Variants in PCDH11X observed in about 807,000 individuals in gnomAD.
PCDH11X encodes protocadherin-11 X-linked.
In PCDH11X, 18 loss-of-function variants were observed where a neutral mutation model predicts 53.3. The ratio of observed to expected loss-of-function variants is 0.34; its 90% CI spans 0.23 to 0.50. PCDH11X has a LOEUF of 0.50. PCDH11X is among the 20% of genes least tolerant of loss of function. The probability of loss-of-function intolerance (pLI) is 0.98; values close to 1 mark genes in which losing one functional copy is unlikely to be tolerated. For missense variants in PCDH11X, 570 were observed against 1,032.4 expected (o/e 0.55, Z 6.14); for synonymous variants, 279 against 393.3 (o/e 0.71, Z 3.44).
At chrX:92,422,939 C>T (rs1270933067) in intron 9 of PCDH11X, among the ~76,000 whole-genome samples, 1 of 109,083 alleles carries the variant, frequency 9.2e-6, no homozygotes, top group Non-Finnish European at 1.9e-5. Context: ...AACTCTGCCT[C>T]CCAGGTTCAC....
intron 6 of PCDH11X, among the ~76,000 whole-genome samples, chrX:91,933,163 T>G (rs1452144142): frequency 9.1e-6 from 1 of 109,824 alleles, no homozygotes; most frequent in Non-Finnish European, 1.9e-5. Flanking sequence ...CTCTAACTAG[T>G]AAAAGCAGAC....
At chrX:92,526,417 G>A (rs1233949676) in intron 10 of PCDH11X, among the ~76,000 whole-genome samples, 3 of 105,590 alleles carry the variant, frequency 2.8e-5, no homozygotes, top group Admixed American at 2.1e-4. Flanking sequence ...TATATAAGGA[G>A]CTCAAATAAC....
chrX:92,087,797 G>A (rs1039219285), intron 6 of PCDH11X, among the ~76,000 whole-genome samples: 3 of 109,330 alleles, frequency 2.7e-5, no homozygotes, highest in African/African-American at 3.3e-5. Context: ...ATATCATGTC[G>A]GATATCATTT....
chrX:92,604,184 G>T (rs908227394), intron 10 of PCDH11X, among the ~76,000 whole-genome samples: 1 of 109,081 alleles, frequency 9.2e-6, no homozygotes, highest in African/African-American at 3.3e-5. Context: ...AAATAGGAAG[G>T]TTAATAAAAT....
chrX:92,135,448 A>G (rs1386848441), intron 6 of PCDH11X, among the ~76,000 whole-genome samples: 3 of 110,439 alleles, frequency 2.7e-5, no homozygotes, highest in Admixed American at 9.8e-5. Flanking sequence ...GGCCATGATG[A>G]TTTTGTACAG....
intron 10 of PCDH11X, among the ~76,000 whole-genome samples, chrX:92,511,195 G>A (rs1472274362): frequency 8.9e-6 from 1 of 111,807 alleles, no homozygotes; most frequent in Non-Finnish European, 1.9e-5. Flanking sequence ...TGCGATATAG[G>A]TCTGAGATGC....
chrX:91,890,941 A>G (rs1246878306), intron 6 of PCDH11X, among the ~76,000 whole-genome samples: 9 of 106,782 alleles, frequency 8.4e-5, no homozygotes, highest in African/African-American at 2.4e-4. Flanking sequence ...TATGATTATG[A>G]GGATACATCC....
intron 1 of PCDH11X, among the ~76,000 whole-genome samples, chrX:91,792,521 A>G (rs759696232): frequency 2.0e-4 from 22 of 111,107 alleles, no homozygotes; most frequent in African/African-American, 6.2e-4. Context: ...AAGGTTGAGC[A>G]ATATTAGCCA....
intron 4 of PCDH11X, among the ~76,000 whole-genome samples, chrX:91,832,189 C>T (rs1446054718): frequency 9.7e-6 from 1 of 102,872 alleles, no homozygotes; most frequent in African/African-American, 3.5e-5. Flanking sequence ...AAGACACACG[C>T]ACATGTATGT....
chrX:92,412,544 T>A (rs183705596), intron 9 of PCDH11X, among the ~76,000 whole-genome samples: 1 of 89,904 alleles, frequency 1.1e-5, no homozygotes, highest in African/African-American at 4.1e-5. Flanking sequence ...TATATATATA[T>A]ATATATATAT....
chrX:92,273,642 G>A lies in PCDH11X; in HGVS notation c.3144+10499G>A, dbSNP rs944719148. ...GGCTGCTTCAAGCGGGATTAGGGGCGGCGTGGGAACCTAGAGTGGGAGAGA... is the reference window on the plus strand; with the variant it reads ...GGCTGCTTCAAGCGGGATTAGGGGCAGCGTGGGAACCTAGAGTGGGAGAGA... On this transcript the variant is annotated intron_variant, in intron 8 of 10. Coordinates refer to ENST00000682573, the MANE Select transcript of PCDH11X (RefSeq NM_032968.5). Among the ~76,000 whole-genome samples, 14 of 110,538 alleles carry A rather than the reference G, an allele frequency of 1.3e-4. 1 individual carries two copies. The highest frequency in any genetic ancestry group is 2.3e-4 in the African/African-American group (7 of 30,334).
At chrX:92,091,897 AAAGG>A (rs1470530214) in intron 6 of PCDH11X, among the ~76,000 whole-genome samples, 1 of 111,573 alleles carries the variant, frequency 9.0e-6, no homozygotes, top group Non-Finnish European at 1.9e-5. Flanking sequence ...CTGGTTCTGG[AAAGG>A]AAGGAAGGAA....
intron 6 of PCDH11X, among the ~76,000 whole-genome samples, chrX:91,949,604 CTG>C (rs1164266496): frequency 1.8e-5 from 2 of 110,206 alleles, no homozygotes; most frequent in Non-Finnish European, 3.8e-5. Flanking sequence ...ACCTGGGTAA[CTG>C]TGATAAATCA....
intron 5 of PCDH11X, among the ~76,000 whole-genome samples, chrX:91,864,928 T>C (rs1403586134): frequency 9.0e-6 from 1 of 111,191 alleles, no homozygotes. Flanking sequence ...CTCCACATTA[T>C]CTTGAATTTC....
intron 10 of PCDH11X, among the ~76,000 whole-genome samples, chrX:92,486,183 C>A (rs1177621359): frequency 1.8e-5 from 2 of 110,664 alleles, no homozygotes; most frequent in Non-Finnish European, 3.8e-5. Context: ...GTACAAAAGG[C>A]ATTATATTTA....
At chrX:91,912,787 C>A (rs985478443) in intron 6 of PCDH11X, among the ~76,000 whole-genome samples, 76 of 109,593 alleles carry the variant, frequency 6.9e-4, no homozygotes, top group Non-Finnish European at 1.3e-3. Flanking sequence ...CAGGAACATA[C>A]CAGGAAAACT....
At chrX:92,603,095 G>A (rs762694357) in intron 10 of PCDH11X, among the ~76,000 whole-genome samples, 173 of 106,770 alleles carry the variant, frequency 1.6e-3, no homozygotes, top group Non-Finnish European at 1.8e-3. Flanking sequence ...ATACCAAATG[G>A]AAACTCTGGA....
chrX:92,412,825 G>A (rs1303654144), intron 9 of PCDH11X, among the ~76,000 whole-genome samples: 3 of 108,641 alleles, frequency 2.8e-5, no homozygotes, highest in Admixed American at 1.0e-4. Context: ...TTATTTTTAG[G>A]TAGAGAAAAA....
chrX:91,880,340 A>C (rs2147738451), intron 6 of PCDH11X, among the ~76,000 whole-genome samples: 1 of 111,476 alleles, frequency 9.0e-6, no homozygotes, highest in East Asian at 2.8e-4. Context: ...TCTTAGTTTC[A>C]GGGAATAAAG....
Sources: gnomAD v4.1 joint callset for allele counts (sites outside exome capture counted in the v4.1 genomes callset) on GRCh38, gnomAD v4.1.1 for gene constraint, MANE v1.5 for transcripts, NCBI Gene and HGNC (gene_info 2026-07-23, HGNC 2026-07-21) for gene names.